Variants in BCKDHB observed in about 807,000 individuals in gnomAD.
The protein encoded by BCKDHB is branched chain keto acid dehydrogenase E1 subunit beta.
Under a neutral mutation model 48.5 loss-of-function variants are expected in BCKDHB, and 41 were observed. That is an observed-to-expected ratio of 0.85 (90% confidence interval 0.66 to 1.10). BCKDHB has a LOEUF of 1.10. BCKDHB is among the 50% of genes least tolerant of loss of function. BCKDHB has a pLI of 0.00. For synonymous variants in BCKDHB, 201 were observed against 174.8 expected, an observed-to-expected ratio of 1.15 and a Z score of -1.18; for missense variants, 496 against 494.2, an observed-to-expected ratio of 1.00 and a Z score of -0.03.
intron 8 of BCKDHB, among the ~76,000 whole-genome samples, chr6:80,230,500 A>G (rs1262869824): frequency 2.0e-5 from 3 of 152,182 alleles, no homozygotes; most frequent in African/African-American, 7.2e-5. Flanking sequence ...CATATGGAAC[A>G]GGGGGTTAGC....
At chr6:80,134,743 T>TTTTATTTA (rs369623862) in intron 3 of BCKDHB, among the ~76,000 whole-genome samples, 9,195 of 151,136 alleles carry the variant, frequency 0.061, 428 homozygotes, top group South Asian at 0.22. Context: ...TTTTGTTTTA[T>TTTTATTTA]TTTATTTATT....
At chr6:80,262,350 G>T (rs1777341068) in intron 8 of BCKDHB, among the ~76,000 whole-genome samples, 1 of 151,890 alleles carries the variant, frequency 6.6e-6, no homozygotes, top group Non-Finnish European at 1.5e-5. Flanking sequence ...GAATTTTTTT[G>T]ACCGTGGTAA....
chr6:80,332,721 AAC>A (rs1491345693), intron 9 of BCKDHB, among the ~76,000 whole-genome samples: 4 of 151,498 alleles, frequency 2.6e-5, no homozygotes, highest in Admixed American at 6.6e-5. Context: ...AAAAAAAAAA[AAC>A]ACCTTCAAAC....
At chr6:80,220,252 C>T (rs1386051547) in intron 8 of BCKDHB, among the ~76,000 whole-genome samples, 1 of 145,556 alleles carries the variant, frequency 6.9e-6, no homozygotes, top group East Asian at 2.0e-4. Flanking sequence ...ATTTCAATCT[C>T]ATCAATCAAA....
intron 3 of BCKDHB, among the ~76,000 whole-genome samples, chr6:80,150,171 C>T (rs1188177227): frequency 6.6e-6 from 1 of 152,102 alleles, no homozygotes; most frequent in Non-Finnish European, 1.5e-5. Context: ...ACTTCAAATC[C>T]AACCTCTATT....
intron 3 of BCKDHB, among the ~76,000 whole-genome samples, chr6:80,139,665 C>G (rs1771084054): frequency 6.6e-6 from 1 of 151,990 alleles, no homozygotes; most frequent in Non-Finnish European, 1.5e-5. Flanking sequence ...TGATCTATGT[C>G]TCTGTTTTGG....
At chr6:80,243,146 G>GGATAAA (rs1776459333) in intron 8 of BCKDHB, among the ~76,000 whole-genome samples, 1 of 152,166 alleles carries the variant, frequency 6.6e-6, no homozygotes, top group Admixed American at 6.5e-5. Context: ...GGTACAGAGA[G>GGATAAA]ACAAAGTAAA....
chr6:80,270,523 T>C (rs1385598811), intron 8 of BCKDHB, among the ~76,000 whole-genome samples: 1 of 152,142 alleles, frequency 6.6e-6, no homozygotes, highest in Non-Finnish European at 1.5e-5. Flanking sequence ...CAAAGTGTGA[T>C]TACTTTTATT....
intron 8 of BCKDHB, among the ~76,000 whole-genome samples, chr6:80,266,264 A>G (rs964863100): frequency 6.6e-6 from 1 of 152,112 alleles, no homozygotes; most frequent in African/African-American, 2.4e-5. Flanking sequence ...TGTTTTTAAA[A>G]ACTGATGGAA....
At chr6:80,421,589 A>T in the BCKDHB span, among the ~76,000 whole-genome samples, 1 of 152,188 alleles carries the variant, frequency 6.6e-6, no homozygotes, top group Non-Finnish European at 1.5e-5. Context: ...AATGACATGG[A>T]TGGCCAATGA....
Position 80,246,933 on chromosome 6 carries a change from T to C in BCKDHB, c.952-26202T>C, listed in dbSNP as rs950547776. 3.3e-5 allele frequency among the ~76,000 whole-genome samples: 5 copies of C among 151,402 alleles called. 1 individual carries two copies. In the Middle Eastern group the frequency reaches 0.017, roughly 515 times the overall value. On this transcript the variant is annotated intron_variant, in intron 8 of 9. Transcript: ENST00000320393. Reference sequence around the variant, plus strand: ...CACACCTTCAAGGGCCCAGACAATGTTTAATCTCTAGTTAGACACTTTGGT... The same window carrying C: ...CACACCTTCAAGGGCCCAGACAATGCTTAATCTCTAGTTAGACACTTTGGT...
the BCKDHB span, chr6:80,440,888 G>T: frequency 6.6e-6 from 1 of 152,138 alleles, no homozygotes; most frequent in Admixed American, 6.6e-5. Flanking sequence ...TATGGAGACA[G>T]TTCCAAGAGA....
At chr6:80,270,155 A>G (rs922405817) in intron 8 of BCKDHB, among the ~76,000 whole-genome samples, 8 of 152,146 alleles carry the variant, frequency 5.3e-5, no homozygotes, top group South Asian at 2.1e-4. Flanking sequence ...TAAAAAGCAT[A>G]TAACAAATTT....
chr6:80,440,123 C>T, the BCKDHB span, among the ~76,000 whole-genome samples: 1 of 152,114 alleles, frequency 6.6e-6, no homozygotes, highest in South Asian at 2.1e-4. Context: ...CACTCTCTGC[C>T]ACACCTGGCA....
chr6:80,253,937 GAATTAAGTT>G (rs1310020463), intron 8 of BCKDHB, among the ~76,000 whole-genome samples: 3 of 151,396 alleles, frequency 2.0e-5, no homozygotes, highest in African/African-American at 4.9e-5. Flanking sequence ...TACAGAACTT[GAATTAAGTT>G]AATTAATTAA....
At chr6:80,305,066 C>T (rs1767787928) in intron 9 of BCKDHB, among the ~76,000 whole-genome samples, 1 of 151,956 alleles carries the variant, frequency 6.6e-6, no homozygotes, top group Admixed American at 6.6e-5. Context: ...AATAAAAATG[C>T]CGTTCATTGA....
At chr6:80,268,985 G>T (rs2007849218) in intron 8 of BCKDHB, among the ~76,000 whole-genome samples, 1 of 152,066 alleles carries the variant, frequency 6.6e-6, no homozygotes, top group Admixed American at 6.6e-5. Flanking sequence ...CTTAAAAATG[G>T]ATTGTGCTAA....
chr6:80,283,979 C>T (rs1231656574), intron 9 of BCKDHB, among the ~76,000 whole-genome samples: 5 of 152,092 alleles, frequency 3.3e-5, no homozygotes, highest in Admixed American at 6.5e-5. Flanking sequence ...CATGTTTTGT[C>T]AGCATTGTAT....
chr6:80,113,309 A>C (rs1162504343), intron 1 of BCKDHB, among the ~76,000 whole-genome samples: 1 of 152,224 alleles, frequency 6.6e-6, no homozygotes, highest in Non-Finnish European at 1.5e-5. Flanking sequence ...GTAACACTGG[A>C]AAGTGGCCCT....
Sources: allele counts gnomAD v4.1 joint callset (sites outside exome capture counted in the v4.1 genomes callset), GRCh38; gene constraint gnomAD v4.1.1; transcripts MANE v1.5; gene names NCBI Gene and HGNC (gene_info 2026-07-23, HGNC 2026-07-21).